The following FBN2 variants were observed in gnomAD, a reference collection of about 807,000 sequenced individuals.
FBN2 encodes fibrillin-2.
Under a neutral mutation model 355.6 loss-of-function variants are expected in FBN2, and 105 were observed. The observed-to-expected ratio is 0.30, with a 90% CI of 0.25 to 0.35. FBN2 has a LOEUF of 0.35. FBN2 is among the 10% of genes least tolerant of loss of function. FBN2 has a pLI of 1.00. For synonymous variants in FBN2, 1,350 were observed against 1,301.2 expected, an observed-to-expected ratio of 1.04 and a Z score of -0.81; for missense variants, 3,280 against 3,758.7, an observed-to-expected ratio of 0.87 and a Z score of 3.33.
chr5:128,513,568 A>C (rs528285788), intron 5 of FBN2, among the ~76,000 whole-genome samples: 1 of 152,254 alleles, frequency 6.6e-6, no homozygotes, highest in Non-Finnish European at 1.5e-5. Flanking sequence ...TCAAAAGAGA[A>C]TAAAATATCA....
rs568169177 is a variant in FBN2 at position 128,364,622 on chromosome 5, A to C, written c.2406T>G (p.Asp802Glu). The change falls in exon 18 of 65, where the codon GAT (aspartate) becomes GAG (glutamate). Residue 802 changes from aspartate (D) to glutamate (E), a missense_variant. Physicochemically the swap from Asp to Glu is conservative, Grantham distance 45 (BLOSUM62 2). Coordinates refer to ENST00000262464, the MANE Select transcript of FBN2 (RefSeq NM_001999.4). ...TACCAATACAGTTTCTTCCAGAGGCATCTGGTTCATAGCCACTGTTGCAAT... is the reference window on the plus strand; with the variant it reads ...TACCAATACAGTTTCTTCCAGAGGCCTCTGGTTCATAGCCACTGTTGCAAT... The part of the protein sequence containing the change: ...RCNCNSGYEP[D>E]ASGRNCIDID... 1 of 1,613,712 alleles carries C rather than the reference A, an allele frequency of 6.2e-7. No individual in the cohort carries two copies. Among genetic ancestry groups the C allele is most frequent in the Non-Finnish European group, 8.5e-7 (1 of 1,179,694 alleles).
chr5:128,395,771 G>A (rs1279664750), intron 8 of FBN2, among the ~76,000 whole-genome samples: 2 of 152,216 alleles, frequency 1.3e-5, no homozygotes, highest in African/African-American at 4.8e-5. Context: ...GAAGAAAGAT[G>A]GGCCACTATG....
intron 34 of FBN2, among the ~76,000 whole-genome samples, chr5:128,322,027 A>T (rs1046800088): frequency 4.6e-5 from 7 of 151,950 alleles, no homozygotes; most frequent in Admixed American, 1.3e-4. Flanking sequence ...TTTGATTTGC[A>T]TTTCTCTAAT....
At position 128,364,976 on chromosome 5, in the gene FBN2, C is replaced by A. The variant is rs147484592; in HGVS notation, c.2303-251G>T. The stretch of plus-strand genomic sequence containing the variant: ...GGCAGAAATTCAAAGAGTTAAATCA[C>A]GAAATATGCCAGCATTTATGATGAC... On this transcript the variant is annotated intron_variant, in intron 17 of 64. Transcript: ENST00000262464. 2.3e-3 allele frequency among the ~76,000 whole-genome samples: 343 copies of A among 152,132 alleles called. 1 individual carries two copies. Among genetic ancestry groups the A allele is most frequent in the African/African-American group, 8.0e-3 (330 of 41,506 alleles).
chr5:128,278,424 G>A (rs189803680), intron 57 of FBN2, among the ~76,000 whole-genome samples: 10 of 152,208 alleles, frequency 6.6e-5, no homozygotes, highest in Admixed American at 3.9e-4. Flanking sequence ...GGTCTGATAC[G>A]AAGATTAACT....
chr5:128,286,575 GAT>G (rs1749150146), intron 55 of FBN2, 141 bp downstream of exon 55: 1 of 945,974 alleles, frequency 1.1e-6, no homozygotes, highest in Non-Finnish European at 1.7e-6. Flanking sequence ...GAGACCCTGA[GAT>G]GGAAGAAAGC....
rs530266511 is a variant in FBN2 at position 128,303,707 on chromosome 5, G to T, written c.5801-618C>A. Among the ~76,000 whole-genome samples, 18 of 152,284 alleles carry T rather than the reference G, an allele frequency of 1.2e-4. No individual in the cohort carries two copies. The East Asian group carries it at 3.3e-3, about 28-fold the overall frequency. On this transcript the variant is annotated intron_variant, in intron 45 of 64. Coordinates refer to ENST00000262464, the MANE Select transcript of FBN2 (RefSeq NM_001999.4). ...CAAAAAAAGGGTGGGGGCTGGTATT[G>T]TTCTTTAGGAAGGAAGCTCTGTATA...
intron 60 of FBN2, among the ~76,000 whole-genome samples, chr5:128,274,276 C>T (rs1280234522): frequency 6.6e-6 from 1 of 152,026 alleles, no homozygotes; most frequent in Non-Finnish European, 1.5e-5. Flanking sequence ...TTACAGTGAG[C>T]CTTTAATCAT....
At chr5:128,407,956 A>T (rs1752973781) in intron 8 of FBN2, among the ~76,000 whole-genome samples, 1 of 152,186 alleles carries the variant, frequency 6.6e-6, no homozygotes, top group East Asian at 1.9e-4. Context: ...AATTTTCCTA[A>T]TTCCTGCACT....
chr5:128,374,089 A>G (rs1251968876), intron 15 of FBN2, among the ~76,000 whole-genome samples: 5 of 152,114 alleles, frequency 3.3e-5, no homozygotes, highest in African/African-American at 1.2e-4. Flanking sequence ...GTTATCTAAT[A>G]TTATCAAGTA....
chr5:128,273,798 T>G, intron 61 of FBN2, 42 bp downstream of exon 61: 1 of 1,591,238 alleles, frequency 6.3e-7, no homozygotes. Context: ...TATATATGGT[T>G]TACTGTTATT....
At chr5:128,383,689 T>A (rs1211221953) in intron 11 of FBN2, among the ~76,000 whole-genome samples, 1 of 152,026 alleles carries the variant, frequency 6.6e-6, no homozygotes, top group African/African-American at 2.4e-5. Context: ...TCAAATAAAC[T>A]CATGAAAAGA....
intron 39 of FBN2, among the ~76,000 whole-genome samples, chr5:128,310,400 ATATTTTTTT>A (rs1344872984): frequency 8.3e-4 from 11 of 13,270 alleles, no homozygotes; most frequent in East Asian, 5.6e-3. Flanking sequence ...ATATATATAT[ATATTTTTTT>A]TTTTTTTTTT....
intron 6 of FBN2, 69 bp from the exon 7 acceptor site, chr5:128,446,675 TA>T (rs1430906403): frequency 7.9e-6 from 12 of 1,525,618 alleles, no homozygotes; most frequent in Non-Finnish European, 1.1e-5. Flanking sequence ...TTTTTTACTA[TA>T]AAAACTTTAT....
chr5:128,351,714 A>T (rs1751373461), intron 20 of FBN2, among the ~76,000 whole-genome samples: 1 of 152,000 alleles, frequency 6.6e-6, no homozygotes, highest in Admixed American at 6.6e-5. Context: ...TTCTAAGAGG[A>T]GTTGTCCAAG....
At chr5:128,388,447 C>G (rs192146139) in intron 11 of FBN2, among the ~76,000 whole-genome samples, 1 of 152,130 alleles carries the variant, frequency 6.6e-6, no homozygotes, top group Non-Finnish European at 1.5e-5. Context: ...GGTCTATGTA[C>G]TTAAGTTTGT....
chr5:128,277,837 G>GATTA, intron 58 of FBN2, 43 bp downstream of exon 58: 1 of 1,610,478 alleles, frequency 6.2e-7, no homozygotes, highest in African/African-American at 1.3e-5. Context: ...AACAGTAGCT[G>GATTA]ATTAGCCCCC....
intron 6 of FBN2, 75 bp from the exon 7 acceptor site, chr5:128,446,681 CTT>C (rs1561461179): frequency 4.0e-6 from 6 of 1,499,592 alleles, no homozygotes; most frequent in African/African-American, 1.4e-5. Context: ...ACTATAAAAA[CTT>C]TATATAAACA....
chr5:128,330,458 T>C (rs1358664943), intron 33 of FBN2, 115 bp downstream of exon 33: 1 of 1,074,656 alleles, frequency 9.3e-7, no homozygotes, highest in African/African-American at 1.6e-5. Context: ...AAGTCAAGTA[T>C]AAAAAAAGAG....
Sources: allele counts gnomAD v4.1 joint callset (sites outside exome capture counted in the v4.1 genomes callset), GRCh38; gene constraint gnomAD v4.1.1; transcripts MANE v1.5; gene names NCBI Gene and HGNC (gene_info 2026-07-23, HGNC 2026-07-21).